The following ZFHX3 variants were observed in gnomAD, a reference collection of about 807,000 sequenced individuals.
ZFHX3 encodes zinc finger homeobox protein 3.
In ZFHX3, 42 loss-of-function variants were observed where a neutral mutation model predicts 279.1. The ratio of observed to expected loss-of-function variants is 0.15; its 90% CI spans 0.12 to 0.19. The LOEUF (loss-of-function observed/expected upper bound fraction) is 0.19. Ranked by LOEUF, ZFHX3 falls within the 10% of genes least tolerant of loss-of-function variation. The pLI, the probability that ZFHX3 is intolerant of heterozygous loss-of-function variation, is 1.00. For missense variants in ZFHX3, 4,981 were observed against 4,754.0 expected (o/e 1.05, Z -1.40); for synonymous variants, 2,293 against 1,957.8 (o/e 1.17, Z -4.52).
chr16:73,887,119 A>G (rs188947074), intron 1 of ZFHX3, among the ~76,000 whole-genome samples: 2 of 152,324 alleles, frequency 1.3e-5, no homozygotes, highest in Admixed American at 1.3e-4. Context: ...GGGCGATGGT[A>G]AGGATTAATA....
chr16:73,072,751 G>A (rs1015619117), intron 8 of ZFHX3, among the ~76,000 whole-genome samples: 29 of 152,154 alleles, frequency 1.9e-4, no homozygotes, highest in African/African-American at 7.0e-4. Context: ...CAAATTTTTT[G>A]TAGAGACAGG....
intron 1 of ZFHX3, among the ~76,000 whole-genome samples, chr16:72,981,943 C>T (rs1224483885): frequency 3.3e-5 from 5 of 149,816 alleles, no homozygotes; most frequent in South Asian, 2.1e-4. Context: ...AATGCAGTGG[C>T]GCCATCTCGG....
At chr16:72,970,728 G>C (rs1043981012) in intron 1 of ZFHX3, among the ~76,000 whole-genome samples, 3 of 152,100 alleles carry the variant, frequency 2.0e-5, no homozygotes, top group Non-Finnish European at 2.9e-5. Flanking sequence ...AGCACTCAAG[G>C]CTTTTTCATC....
chr16:73,341,841 A>G (rs1211304302), intron 3 of ZFHX3, among the ~76,000 whole-genome samples: 1 of 152,242 alleles, frequency 6.6e-6, no homozygotes, highest in African/African-American at 2.4e-5. Flanking sequence ...AAGTCACAAA[A>G]GGCTACATAT....
chr16:73,699,317 A>G (rs1447018911), intron 1 of ZFHX3, among the ~76,000 whole-genome samples: 1 of 152,224 alleles, frequency 6.6e-6, no homozygotes, highest in Non-Finnish European at 1.5e-5. Context: ...ATTTGAAAAT[A>G]AAAAGAAAAA....
chr16:73,432,623 G>T (rs774876743), intron 3 of ZFHX3, among the ~76,000 whole-genome samples: 1 of 152,126 alleles, frequency 6.6e-6, no homozygotes, highest in Non-Finnish European at 1.5e-5. Context: ...ATGCCTCTTT[G>T]CCATGTAATT....
chr16:73,046,482 C>G (rs1965308190), intron 1 of ZFHX3, among the ~76,000 whole-genome samples: 1 of 152,084 alleles, frequency 6.6e-6, no homozygotes, highest in African/African-American at 2.4e-5. Flanking sequence ...TCCTGGAACT[C>G]GTGATTTTCA....
chr16:73,555,967 G>T (rs2020276213), intron 2 of ZFHX3, among the ~76,000 whole-genome samples: 1 of 152,186 alleles, frequency 6.6e-6, no homozygotes, highest in Non-Finnish European at 1.5e-5. Flanking sequence ...AGGGTGGCAG[G>T]CAGTGAAAGA....
chr16:73,844,854 A>ATAGGTAGG (rs34481608), intron 1 of ZFHX3, among the ~76,000 whole-genome samples: 1 of 150,824 alleles, frequency 6.6e-6, no homozygotes, highest in Non-Finnish European at 1.5e-5. Flanking sequence ...TGATAGATGG[A>ATAGGTAGG]TAGGTAGGTA....
chr16:73,010,024 G>GAAAAAAAAAAAAA (rs10709712), intron 1 of ZFHX3, among the ~76,000 whole-genome samples: 2 of 84,656 alleles, frequency 2.4e-5, no homozygotes, highest in African/African-American at 8.1e-5. Flanking sequence ...CCCTCTCAAA[G>GAAAAAAAAAAAAA]AAAAAAAAAA....
At chr16:72,947,589 G>T (rs1007431465) in intron 3 of ZFHX3, among the ~76,000 whole-genome samples, 1 of 152,142 alleles carries the variant, frequency 6.6e-6, no homozygotes, top group Non-Finnish European at 1.5e-5. Flanking sequence ...TGAAAGAGAG[G>T]TCTGGGAGGG....
intron 3 of ZFHX3, among the ~76,000 whole-genome samples, chr16:72,939,015 A>AGTAAGGAAAT (rs11283418): frequency 1.3e-5 from 2 of 151,970 alleles, no homozygotes; most frequent in African/African-American, 4.8e-5. Flanking sequence ...TGTCTAGGAC[A>AGTAAGGAAAT]CATAGCCCTG....
chr16:73,810,030 T>C (rs907953879), intron 1 of ZFHX3, among the ~76,000 whole-genome samples: 7 of 152,336 alleles, frequency 4.6e-5, no homozygotes, highest in Admixed American at 3.9e-4. Context: ...AAATCTAGAA[T>C]GTGAACGTTG....
intron 4 of ZFHX3, among the ~76,000 whole-genome samples, chr16:73,307,441 C>G (rs1001320675): frequency 6.6e-6 from 1 of 152,208 alleles, no homozygotes; most frequent in Non-Finnish European, 1.5e-5. Flanking sequence ...GGAGGCTGGA[C>G]TTAAAAGAAC....
At chr16:73,484,624 T>A (rs2018941083) in intron 2 of ZFHX3, among the ~76,000 whole-genome samples, 1 of 152,210 alleles carries the variant, frequency 6.6e-6, no homozygotes, top group African/African-American at 2.4e-5. Context: ...AGCAGGGAAC[T>A]GTGATGCCTA....
intron 1 of ZFHX3, among the ~76,000 whole-genome samples, chr16:72,980,897 G>A (rs966620567): frequency 6.6e-6 from 1 of 152,124 alleles, no homozygotes; most frequent in Non-Finnish European, 1.5e-5. Context: ...GTTAAGTCAA[G>A]GTGATAGAAC....
intron 3 of ZFHX3, among the ~76,000 whole-genome samples, chr16:73,370,895 T>C (rs1299637672): frequency 6.6e-6 from 1 of 152,190 alleles, no homozygotes; most frequent in African/African-American, 2.4e-5. Flanking sequence ...TTTTGGACAA[T>C]CTGTGATGGA....
At chr16:73,820,475 TCA>T (rs1284036302) in intron 1 of ZFHX3, among the ~76,000 whole-genome samples, 1 of 152,070 alleles carries the variant, frequency 6.6e-6, no homozygotes, top group Non-Finnish European at 1.5e-5. Context: ...ACCATGAGAT[TCA>T]CAGTTTACAG....
intron 2 of ZFHX3, among the ~76,000 whole-genome samples, chr16:73,503,475 C>T (rs2143669593): frequency 6.6e-6 from 1 of 152,290 alleles, no homozygotes; most frequent in Admixed American, 6.5e-5. Flanking sequence ...CACGTGTCTG[C>T]TCTTGGGGGT....
Sources: gnomAD v4.1 joint callset for allele counts (sites outside exome capture counted in the v4.1 genomes callset) on GRCh38, gnomAD v4.1.1 for gene constraint, MANE v1.5 for transcripts, NCBI Gene and HGNC (gene_info 2026-07-23, HGNC 2026-07-21) for gene names.